Variants in BHLHE41 observed in about 807,000 individuals in gnomAD.
The protein encoded by BHLHE41 is basic helix-loop-helix family member e41.
A neutral mutation model predicts 24.0 loss-of-function variants in BHLHE41; 14 were observed. That is an observed-to-expected ratio of 0.58 (90% CI 0.39 to 0.91). The LOEUF (loss-of-function observed/expected upper bound fraction) is 0.91. Ranked by LOEUF, BHLHE41 falls within the 40% of genes least tolerant of loss-of-function variation. The probability of loss-of-function intolerance (pLI) is 0.00; values close to 1 mark genes in which losing one functional copy is unlikely to be tolerated. For synonymous variants in BHLHE41, 394 were observed against 315.5 expected (o/e 1.25, Z -2.64); for missense variants, 674 against 655.4 (o/e 1.03, Z -0.31).
In BHLHE41 at chr12:26,123,675, C is replaced by G; in HGVS notation, c.301G>C (p.Ala101Pro). The part of the protein sequence containing the change: ...LTLKHLKALT[A>P]LTEQQHQKII... The stretch of plus-strand genomic sequence containing the variant: ...TTCTGATGCTGTTGCTCGGTTAAGG[C>G]GGTTAAAGCTTTTAAGTGTTTCAAA... The change falls in exon 4 of 5, where the codon GCC (alanine) becomes CCC (proline). Residue 101 changes from alanine to proline, a missense_variant. Ala to Pro is a conservative substitution (Grantham distance 27). Coordinates refer to ENST00000242728, the MANE Select transcript of BHLHE41 (RefSeq NM_030762.3). The G allele has an allele frequency of 1.2e-6, 2 of 1,614,038 alleles. No individual in the cohort carries two copies. Among genetic ancestry groups the G allele is most frequent in the Non-Finnish European group, 1.7e-6 (2 of 1,179,924 alleles).
At chr12:26,123,542 T>A (rs1245685165) in intron 4 of BHLHE41, 88 bp downstream of exon 4, 2 of 915,008 alleles carry the variant, frequency 2.2e-6, no homozygotes, top group African/African-American at 3.2e-5. Context: ...CGGAAAGAGA[T>A]GGGGTGCGGG....
Position 26,122,641 on chromosome 12 carries a change from C to G in BHLHE41, c.874G>C (p.Gly292Arg). ...GCCGCCGCCGCGCCGCCCCCCGGGC[C>G]GCCGCCGCTGCCGCCGCCGCGGGAA... is the stretch of plus-strand genomic sequence containing the variant. Reference protein sequence around the residue: ...LDSRGGGSGGGPGGGAAAAAA... With the variant: ...LDSRGGGSGGRPGGGAAAAAA... Residue 292 changes from glycine (G) to arginine (R), a missense_variant, in exon 5 of 5, where the codon GGC becomes CGC. Transcript: ENST00000242728. The G allele has an allele frequency of 7.7e-7, 1 of 1,303,626 alleles. No homozygotes were observed. The highest frequency in any genetic ancestry group is 3.1e-5 in the East Asian group (1 of 32,248). 80.8% of individuals were successfully genotyped at this position (1,303,626 alleles called of 1,614,324 possible).
At position 26,124,713 on chromosome 12, in the gene BHLHE41, C is replaced by T. The variant is rs1287695757; in HGVS notation, c.62+5G>A. The T allele has an allele frequency of 1.1e-5, 17 of 1,614,054 alleles. No individual in the cohort carries two copies. The highest frequency in any genetic ancestry group is 1.4e-5 in the Non-Finnish European group (16 of 1,180,000). On this transcript the variant is annotated splice_donor_5th_base_variant and intron_variant, in intron 1 of 4. Transcript: ENST00000242728. ...CAGATATTCGCAAGGGTGCGTGCAC[C>T]TTACCCTATAAAATCTCTATGTTCC...
In BHLHE41 at chr12:26,122,324, T is replaced by A. The variant is rs1377317220; in HGVS notation, c.1191A>T (p.Ala397=). ...CAGCGGCGGCGGCGGCTGCCGCGGC[T>A]GCCGCCGGGGCGGGGATGCCGGGGT... ...LLYPGIPAPA[A]AAAAAAAAAA... The change falls in exon 5 of 5, where the codon GCA becomes GCT. Residue 397 remains alanine (A), a synonymous_variant. Transcript: ENST00000242728. 8.8e-7 allele frequency: 1 copy of A among 1,140,728 alleles called. No homozygotes were observed. The allele number at this position is 1,140,728 out of a possible 1,614,324, so 70.7% of individuals were successfully genotyped here. A position where few individuals can be genotyped will look rare whatever the true frequency, so the allele number is the denominator to read the frequency against.
chr12:26,123,045 G>A lies in BHLHE41; in HGVS notation c.470C>T (p.Pro157Leu). The change falls in exon 5 of 5, where the codon CCG becomes CTG. Residue 157 changes from proline to leucine, a missense_variant. Pro to Leu is a moderately conservative substitution (Grantham distance 98). This residue lies in a region of BHLHE41 where 602 missense variants were observed against 570.8 expected (regional missense o/e 1.05). Coordinates refer to ENST00000242728, the MANE Select transcript of BHLHE41 (RefSeq NM_030762.3). ...SRFESWTPRE[P>L]RCVQLINHLH... ...GTGGTTGATCAGCTGGACACACCGC[G>A]GCTCCCTGGGTGTCCAGCTCTCAAA... 6.3e-7 allele frequency: 1 copy of A among 1,578,884 alleles called. No individual in the cohort carries two copies. Among genetic ancestry groups the A allele is most frequent in the Non-Finnish European group, 8.6e-7 (1 of 1,161,674 alleles).
rs1281187312 is a variant in BHLHE41 at position 26,120,817 on chromosome 12, A to G, written c.*1249T>C. 1 of 152,694 alleles carries G rather than the reference A, an allele frequency of 6.5e-6. No individual in the cohort carries two copies. The highest frequency in any genetic ancestry group is 2.4e-5 in the African/African-American group (1 of 41,466). The allele number at this position is 152,694 out of a possible 1,614,324, so 9.5% of individuals were successfully genotyped here. On this transcript the variant is annotated 3_prime_UTR_variant, in exon 5 of 5. Transcript: ENST00000242728. ...TCTCACAGTGCTACCTTGGCAACAA[A>G]CTAAAAATATCTAGACAAGGTCTTG...
At position 26,122,954 on chromosome 12, in the gene BHLHE41, G is replaced by A. The variant is rs369659505; in HGVS notation, c.561C>T (p.Ser187=). The change falls in exon 5 of 5, where the codon AGC becomes AGT. Residue 187 remains serine (S), a synonymous_variant. Transcript: ENST00000242728. ...PQLLTQQVPL[S]KGTGAPSAAG... The stretch of plus-strand genomic sequence containing the variant: ...CGGCCGAGGGAGCGCCGGTGCCTTT[G>A]CTCAGAGGGACCTGTTGAGTCAACA... The A allele has an allele frequency of 4.6e-5, 72 of 1,558,128 alleles. No individual in the cohort carries two copies. The highest frequency in any genetic ancestry group is 6.8e-5 in the African/African-American group (5 of 73,416).
At chr12:26,124,295 C>A in intron 2 of BHLHE41, 116 bp from the exon 3 acceptor site, 1 of 592,398 alleles carries the variant, frequency 1.7e-6, no homozygotes, top group Non-Finnish European at 2.8e-6. Flanking sequence ...ATGTGATAAA[C>A]TACACCCAAG....
chr12:26,122,127 G>A lies in BHLHE41; in HGVS notation c.1388C>T (p.Pro463Leu), dbSNP rs1458737039. 4 of 1,548,988 alleles carry A rather than the reference G, an allele frequency of 2.6e-6. No individual in the cohort carries two copies. Among genetic ancestry groups the A allele is most frequent in the African/African-American group, 2.7e-5 (2 of 72,972 alleles). Residue 463 changes from proline (P) to leucine (L), a missense_variant, in exon 5 of 5, where the codon CCG becomes CTG. Physicochemically the swap from Pro to Leu is moderately conservative, Grantham distance 98. This residue lies in a region of BHLHE41 where 602 missense variants were observed against 570.8 expected (regional missense o/e 1.05). Transcript: ENST00000242728. The part of the protein sequence containing the change: ...THLPFAGPRE[P>L]GNPESSAQED... ...CTGAGCAGAGCTCTCCGGGTTCCCC[G>A]GCTCGCGGGGCCCGGCGAAGGGCAG...
chr12:26,124,099 A>G lies in BHLHE41; in HGVS notation c.207T>C (p.Asp69=). 1 of 1,611,938 alleles carries G rather than the reference A, an allele frequency of 6.2e-7. No homozygotes were observed. The highest frequency in any genetic ancestry group is 8.5e-7 in the Non-Finnish European group (1 of 1,178,008). Residue 69 remains aspartate, a synonymous_variant, in exon 3 of 5, where the codon GAT becomes GAC. Transcript: ENST00000242728. The part of the protein sequence containing the change: ...RINECIAQLK[D]LLPEHLKLTT... ...TCAATTTCAGATGTTCAGGCAGTAA[A>G]TCTTTCAGCTGAGCAATGCATTCAT...
At position 26,124,878 on chromosome 12, in the gene BHLHE41, C is replaced by A. The variant is rs1944349777; in HGVS notation, c.-99G>T. ...GGAGACCTTGGGGGGATCTGTGCGTCTCCAGTCTCTCTCTCGCTCTCCCTC... is the reference window on the plus strand; with the variant it reads ...GGAGACCTTGGGGGGATCTGTGCGTATCCAGTCTCTCTCTCGCTCTCCCTC... On this transcript the variant is annotated 5_prime_UTR_variant, in exon 1 of 5. Transcript: ENST00000242728. 1.7e-6 allele frequency: 2 copies of A among 1,158,116 alleles called. No homozygotes were observed. The highest frequency in any genetic ancestry group is 3.4e-5 in the Admixed American group (2 of 59,374). The allele number at this position is 1,158,116 out of a possible 1,614,324, so 71.7% of individuals were successfully genotyped here. A position where few individuals can be genotyped will look rare whatever the true frequency, so the allele number is the denominator to read the frequency against.
At position 26,123,116 on chromosome 12, in the gene BHLHE41, C is replaced by G. The variant is rs759131301; in HGVS notation, c.399G>C (p.Ser133=). The G allele has an allele frequency of 1.2e-6, 2 of 1,609,652 alleles. No homozygotes were observed. The highest frequency in any genetic ancestry group is 2.2e-5 in the South Asian group (2 of 89,942). ...CTTCTTTGGCGCATGTTTGAAATCCCGAGTGGAACGCATCCAAGTCGGACT... is the reference window on the plus strand; with the variant it reads ...CTTCTTTGGCGCATGTTTGAAATCCGGAGTGGAACGCATCCAAGTCGGACT... ...PIQSDLDAFH[S]GFQTCAKEVL... is the part of the protein sequence containing the mutation. The change falls in exon 5 of 5, where the codon TCG becomes TCC. Residue 133 remains serine, a synonymous_variant. Transcript: ENST00000242728.
Position 26,123,627 on chromosome 12 carries a change from T to G in BHLHE41, c.346+3A>C, listed in dbSNP as rs1462067432. 2 of 1,608,948 alleles carry G rather than the reference T, an allele frequency of 1.2e-6. No individual in the cohort carries two copies. The highest frequency in any genetic ancestry group is 1.7e-6 in the Non-Finnish European group (2 of 1,175,220). ...GTAGGCTGGCCTCCCTGAACTGACT[T>G]ACCATTCTGTAAAGCAATTATCTTC... On this transcript the variant is annotated splice_donor_region_variant and intron_variant, in intron 4 of 4. Transcript: ENST00000242728.
In BHLHE41 at chr12:26,124,938, C is replaced by A; in HGVS notation, c.-159G>T. Reference sequence around the variant, plus strand: ...GTGTTGAAAGTGTGAAGCAGTTGGTCCCCCCCCTCCACCGCGCTCGCACAC... The same window carrying A: ...GTGTTGAAAGTGTGAAGCAGTTGGTACCCCCCCTCCACCGCGCTCGCACAC... On this transcript the variant is annotated 5_prime_UTR_variant, in exon 1 of 5. Transcript: ENST00000242728. The A allele has an allele frequency of 1.3e-6, 1 of 741,854 alleles. No homozygotes were observed. The highest frequency in any genetic ancestry group is 2.0e-5 in the Admixed American group (1 of 50,282). The allele number at this position is 741,854 out of a possible 1,614,324, so 46.0% of individuals were successfully genotyped here. A position where few individuals can be genotyped will look rare whatever the true frequency, so the allele number is the denominator to read the frequency against.
intron 4 of BHLHE41, among the ~76,000 whole-genome samples, 196 bp downstream of exon 4, chr12:26,123,427 CTCCGAGT>C (rs903164935): frequency 6.6e-6 from 1 of 152,182 alleles, no homozygotes; most frequent in African/African-American, 2.4e-5. Context: ...ATCCTGATTC[CTCCGAGT>C]TCTGCTGAAA....
In BHLHE41 at chr12:26,122,597, C is replaced by A; in HGVS notation, c.918G>T (p.Gly306=). The part of the protein sequence containing the change: ...GAAAAAAALL[G]PDPAAAAALL... ...GCGCGGCCGCGGCGGCAGGGTCGGG[C>A]CCCAGAAGCGCGGCTGCCGCCGCCG... is the stretch of plus-strand genomic sequence containing the variant. Residue 306 remains glycine, a synonymous_variant, in exon 5 of 5, where the codon GGG becomes GGT. Transcript: ENST00000242728. 8.9e-7 allele frequency: 1 copy of A among 1,121,154 alleles called. No individual in the cohort carries two copies. The highest frequency in any genetic ancestry group is 4.9e-5 in the East Asian group (1 of 20,460). The allele number at this position is 1,121,154 out of a possible 1,614,324, so 69.5% of individuals were successfully genotyped here. A position where few individuals can be genotyped will look rare whatever the true frequency, so the allele number is the denominator to read the frequency against.
chr12:26,122,393 C>G lies in BHLHE41; in HGVS notation c.1122G>C (p.Lys374Asn). The G allele has an allele frequency of 8.0e-7, 1 of 1,253,634 alleles. No homozygotes were observed. The allele number at this position is 1,253,634 out of a possible 1,614,324, so 77.7% of individuals were successfully genotyped here. ...CGGCAGCCGCCGCCGGGTACAGATA[C>G]TTCTCCAGGCCGCTCTTGTCCAGGA... ...QPFLDKSGLE[K>N]YLYPAAAAAP... Residue 374 changes from lysine to asparagine, a missense_variant, in exon 5 of 5, where the codon AAG becomes AAC. By Grantham distance (94) the Lys-to-Asn change is moderately conservative (BLOSUM62 0). Around this residue, in one of 3 missense-constraint regions of BHLHE41, gnomAD observed 602 missense variants for 570.8 expected, o/e 1.05. Coordinates refer to ENST00000242728, the MANE Select transcript of BHLHE41 (RefSeq NM_030762.3).
intron 2 of BHLHE41, 41 bp from the exon 3 acceptor site, chr12:26,124,220 G>A (rs771218727): frequency 1.3e-5 from 17 of 1,329,568 alleles, no homozygotes; most frequent in East Asian, 2.3e-5. Flanking sequence ...AACAGTAAGC[G>A]AAACATTCAC....
In BHLHE41 at chr12:26,122,936, G is replaced by A. The variant is rs1253093344; in HGVS notation, c.579C>T (p.Pro193=). 3.2e-6 allele frequency: 5 copies of A among 1,552,354 alleles called. No homozygotes were observed. The highest frequency in any genetic ancestry group is 2.4e-5 in the East Asian group (1 of 41,078). Residue 193 remains proline (P), a synonymous_variant, in exon 5 of 5, where the codon CCC becomes CCT. Transcript: ENST00000242728. ...QVPLSKGTGA[P]SAAGSAAAPC... is the part of the protein sequence containing the mutation. ...GGGCGGCCGCGGACCCGGCGGCCGA[G>A]GGAGCGCCGGTGCCTTTGCTCAGAG...
Sources: allele counts gnomAD v4.1 joint callset (sites outside exome capture counted in the v4.1 genomes callset), GRCh38; gene constraint gnomAD v4.1.1; regional missense constraint gnomAD v4.1.1; transcripts MANE v1.5; gene names NCBI Gene and HGNC (gene_info 2026-07-23, HGNC 2026-07-21).